Variants in NCAM2 observed in about 807,000 individuals in gnomAD.
NCAM2 encodes neural cell adhesion molecule 2, also known as N-CAM-2.
A neutral mutation model predicts 98.1 loss-of-function variants in NCAM2; 30 were observed. That is an observed-to-expected ratio of 0.31 (90% CI 0.23 to 0.41). NCAM2 has a LOEUF of 0.41. Ranked by LOEUF, NCAM2 falls within the 10% of genes least tolerant of loss-of-function variation. The pLI is 1.00. For synonymous variants in NCAM2, 368 were observed against 342.4 expected, an observed-to-expected ratio of 1.07 and a Z score of -0.83; for missense variants, 867 against 1,005.8, an observed-to-expected ratio of 0.86 and a Z score of 1.87.
At chr21:21,132,121 C>G (rs2066948488) in intron 1 of NCAM2, among the ~76,000 whole-genome samples, 2 of 152,092 alleles carry the variant, frequency 1.3e-5, no homozygotes, top group Non-Finnish European at 2.9e-5. Flanking sequence ...TTGCTCATGG[C>G]CTCTTCTTCC....
At chr21:21,048,859 T>C (rs1057118160) in intron 1 of NCAM2, among the ~76,000 whole-genome samples, 1 of 152,178 alleles carries the variant, frequency 6.6e-6, no homozygotes, top group Non-Finnish European at 1.5e-5. Flanking sequence ...TTTAGATCTG[T>C]GTATCATGCA....
intron 15 of NCAM2, among the ~76,000 whole-genome samples, chr21:21,487,443 A>G (rs569758731): frequency 6.6e-6 from 1 of 152,184 alleles, no homozygotes; most frequent in East Asian, 1.9e-4. Context: ...CTGAAGATGT[A>G]TAAATTTGAG....
chr21:21,418,399 A>G, intron 10 of NCAM2, 74 bp from the exon 11 acceptor site: 2 of 1,011,110 alleles, frequency 2.0e-6, no homozygotes, highest in South Asian at 1.3e-5. Flanking sequence ...TGAAAGTGGT[A>G]GTCATACTGG....
intron 15 of NCAM2, among the ~76,000 whole-genome samples, chr21:21,501,945 A>T (rs1987664697): frequency 6.6e-6 from 1 of 152,028 alleles, no homozygotes; most frequent in Non-Finnish European, 1.5e-5. Context: ...CTGATAATAC[A>T]TTTCCCAGAA....
At chr21:21,214,422 G>A (rs1164082923) in intron 1 of NCAM2, among the ~76,000 whole-genome samples, 1 of 151,952 alleles carries the variant, frequency 6.6e-6, no homozygotes, top group African/African-American at 2.4e-5. Flanking sequence ...GGTCACATAT[G>A]TAATATGGGT....
intron 8 of NCAM2, among the ~76,000 whole-genome samples, chr21:21,370,210 G>A (rs905152387): frequency 2.0e-5 from 3 of 151,728 alleles, no homozygotes; most frequent in African/African-American, 7.3e-5. Context: ...CTTTCTGAAT[G>A]TCATCTATAT....
intron 12 of NCAM2, among the ~76,000 whole-genome samples, chr21:21,447,747 C>A (rs1980404622): frequency 6.6e-6 from 1 of 152,120 alleles, no homozygotes; most frequent in Non-Finnish European, 1.5e-5. Context: ...TATGAACAGA[C>A]ACTTCCCAAA....
At chr21:21,380,879 A>T (rs569747228) in intron 9 of NCAM2, among the ~76,000 whole-genome samples, 1 of 152,076 alleles carries the variant, frequency 6.6e-6, no homozygotes, top group East Asian at 1.9e-4. Context: ...CTTTATGAAT[A>T]TCCCCTTTCA....
In NCAM2 at chr21:21,248,776, C is replaced by CAAAAA. The variant is rs1171857115; in HGVS notation, c.56-31765_56-31761dup. Among the ~76,000 whole-genome samples, 11 of 50,680 alleles carry CAAAAA rather than the reference C, an allele frequency of 2.2e-4. 1 individual carries two copies. Among genetic ancestry groups the CAAAAA allele is most frequent in the African/African-American group, 8.3e-4 (10 of 12,118 alleles). The allele number at this position is 50,680 out of a possible 152,430, so 33.2% of individuals were successfully genotyped here. A position where few individuals can be genotyped will look rare whatever the true frequency, so the allele number is the denominator to read the frequency against. On this transcript the variant is annotated intron_variant, in intron 1 of 17. Transcript: ENST00000400546. ...TGGGCAACAGAGCAAGACTCTGTCT[C>CAAAAA]AAAAAAAAAAAAAAAAAAAAAAAAA...
chr21:21,498,512 A>G (rs1987406992), intron 15 of NCAM2, among the ~76,000 whole-genome samples: 1 of 152,192 alleles, frequency 6.6e-6, no homozygotes, highest in Non-Finnish European at 1.5e-5. Context: ...GTACCCATAC[A>G]GCTCTCATTC....
chr21:21,166,348 C>T (rs1452982725), intron 1 of NCAM2, among the ~76,000 whole-genome samples: 2 of 152,230 alleles, frequency 1.3e-5, no homozygotes, highest in South Asian at 4.2e-4. Context: ...GCCGGGATTA[C>T]AGGCGCCCAC....
intron 12 of NCAM2, among the ~76,000 whole-genome samples, chr21:21,436,638 G>A (rs1380872746): frequency 3.9e-5 from 6 of 151,968 alleles, no homozygotes; most frequent in Non-Finnish European, 7.4e-5. Context: ...TAGGGTAGAG[G>A]GAATACTGAA....
At chr21:21,328,212 A>G (rs1298105229) in intron 6 of NCAM2, among the ~76,000 whole-genome samples, 3 of 152,182 alleles carry the variant, frequency 2.0e-5, no homozygotes, top group Non-Finnish European at 2.9e-5. Context: ...TCAACATATT[A>G]CTCATGAGTT....
At chr21:21,076,442 T>C (rs2065683267) in intron 1 of NCAM2, among the ~76,000 whole-genome samples, 2 of 152,196 alleles carry the variant, frequency 1.3e-5, no homozygotes, top group Admixed American at 1.3e-4. Flanking sequence ...CTATGTTCTT[T>C]TGTGCACATT....
intron 8 of NCAM2, among the ~76,000 whole-genome samples, chr21:21,347,921 G>T (rs2075232088): frequency 6.6e-6 from 1 of 151,982 alleles, no homozygotes; most frequent in Admixed American, 6.6e-5. Flanking sequence ...ATCCATTCAT[G>T]ATAAAAACAC....
chr21:21,084,233 G>A (rs1207850620), intron 1 of NCAM2, among the ~76,000 whole-genome samples: 5 of 152,136 alleles, frequency 3.3e-5, no homozygotes, highest in Non-Finnish European at 7.4e-5. Flanking sequence ...AACCTCCAAA[G>A]GCCCCTCCTC....
intron 3 of NCAM2, among the ~76,000 whole-genome samples, chr21:21,285,262 C>T (rs2073060208): frequency 6.6e-6 from 1 of 151,736 alleles, no homozygotes; most frequent in Non-Finnish European, 1.5e-5. Context: ...GCCCTTAAAT[C>T]ATCTCATATC....
At chr21:21,410,177 C>A (rs1367646874) in intron 9 of NCAM2, 97 bp from the exon 10 acceptor site, 5 of 682,290 alleles carry the variant, frequency 7.3e-6, no homozygotes, top group Non-Finnish European at 1.1e-5. Context: ...TATGTGGCTT[C>A]TTTTTATACA....
chr21:21,095,749 A>G (rs141393663), intron 1 of NCAM2, among the ~76,000 whole-genome samples: 153 of 151,760 alleles, frequency 1.0e-3, no homozygotes, highest in Middle Eastern at 3.4e-3. Context: ...ATTATCACCT[A>G]TTTTGGAAAA....
Sources: allele counts gnomAD v4.1 joint callset (sites outside exome capture counted in the v4.1 genomes callset), GRCh38; gene constraint gnomAD v4.1.1; transcripts MANE v1.5; gene names NCBI Gene and HGNC (gene_info 2026-07-23, HGNC 2026-07-21).